SEMA7A: variants seen among roughly 807,000 people sequenced by gnomAD.
SEMA7A encodes semaphorin 7A (JohnMiltonHagen blood group).
Under a neutral mutation model 67.5 loss-of-function variants are expected in SEMA7A, and 21 were observed. The observed-to-expected ratio is 0.31, with a 90% confidence interval of 0.22 to 0.45. The LOEUF is 0.45. SEMA7A is among the 20% of genes least tolerant of loss of function. The pLI, the probability that SEMA7A is intolerant of heterozygous loss-of-function variation, is 1.00. For missense variants in SEMA7A, 774 were observed against 908.6 expected, an observed-to-expected ratio of 0.85 and a Z score of 1.90; for synonymous variants, 364 against 368.5, an observed-to-expected ratio of 0.99 and a Z score of 0.14.
chr15:74,429,303 C>T (rs1051473877), intron 1 of SEMA7A, among the ~76,000 whole-genome samples: 1 of 151,414 alleles, frequency 6.6e-6, no homozygotes, highest in African/African-American at 2.4e-5. Flanking sequence ...CCAGACCTGC[C>T]CCCTGGGCTG....
At position 74,416,505 on chromosome 15, in the gene SEMA7A, C is replaced by T. The variant is rs2060949608; in HGVS notation, c.801+70G>A. 7.8e-6 allele frequency: 12 copies of T among 1,534,540 alleles called. No homozygotes were observed. The Admixed American group carries it at 1.8e-4, about 22-fold the overall frequency. ...CAACTTCTACATGCACACGGACACA[C>T]AGAACTCACCCTCACTCAGGCCTAT... On this transcript the variant is annotated intron_variant, in intron 7 of 13. Coordinates refer to ENST00000261918, the MANE Select transcript of SEMA7A (RefSeq NM_003612.5).
At chr15:74,412,088 G>T in intron 10 of SEMA7A, 76 bp from the exon 11 acceptor site, 2 of 1,564,298 alleles carry the variant, frequency 1.3e-6, no homozygotes, top group South Asian at 1.1e-5. Flanking sequence ...AGGCCGGGGA[G>T]GGGTGGGAAG....
At position 74,411,256 on chromosome 15, in the gene SEMA7A, T is replaced by C. The variant is rs1477264579; in HGVS notation, c.1639+39A>G. 1.9e-6 allele frequency: 3 copies of C among 1,601,772 alleles called. No individual in the cohort carries two copies. The highest frequency in any genetic ancestry group is 2.6e-6 in the Non-Finnish European group (3 of 1,171,360). ...CAATCAGGGCAGGGCAGTACCCCAC[T>C]CATTGGGCCACAGCCGCCAGCAGGG... is the stretch of plus-strand genomic sequence containing the variant. On this transcript the variant is annotated intron_variant, in intron 13 of 13. Transcript: ENST00000261918. This position sits in a 1 kb window ranked among gnomAD's most constrained non-coding sequence, Gnocchi z 4.4.
chr15:74,416,540 G>A, intron 7 of SEMA7A, 35 bp downstream of exon 7: 2 of 1,607,530 alleles, frequency 1.2e-6, no homozygotes, highest in Non-Finnish European at 1.7e-6. Context: ...TTCATGCACA[G>A]ACACGTAGCC....
chr15:74,410,292 C>T lies in SEMA7A; in HGVS notation c.*332G>A, dbSNP rs937086281. 19 of 287,618 alleles carry T rather than the reference C, an allele frequency of 6.6e-5. No individual in the cohort carries two copies. Among genetic ancestry groups the T allele is most frequent in the South Asian group, 1.0e-4 (1 of 9,708 alleles). The allele number at this position is 287,618 out of a possible 1,614,324, so 17.8% of individuals were successfully genotyped here. On this transcript the variant is annotated 3_prime_UTR_variant, in exon 14 of 14. Transcript: ENST00000261918. The surrounding 1 kb of genome is among the most constrained non-coding windows in gnomAD (Gnocchi z 7.5). Reference sequence around the variant, plus strand: ...AGCTCTCCTATCCAAACCCACTCCCCGACCCATGGGCTCTTGGGCTGGGAG... The same window carrying T: ...AGCTCTCCTATCCAAACCCACTCCCTGACCCATGGGCTCTTGGGCTGGGAG...
chr15:74,422,412 A>T (rs945323138), intron 1 of SEMA7A, among the ~76,000 whole-genome samples: 1 of 152,078 alleles, frequency 6.6e-6, no homozygotes, highest in African/African-American at 2.4e-5. Context: ...GGGGCTAGGG[A>T]CATATGGGGA....
chr15:74,430,557 G>A (rs1437538612), intron 1 of SEMA7A, among the ~76,000 whole-genome samples: 1 of 152,234 alleles, frequency 6.6e-6, no homozygotes, highest in African/African-American at 2.4e-5. Flanking sequence ...ACCTGTGCCA[G>A]CGTCCATTCC....
Position 74,415,968 on chromosome 15 carries a change from T to C in SEMA7A, c.819A>G (p.Glu273=), listed in dbSNP as rs1275429354. The change falls in exon 8 of 14, where the codon GAA becomes GAG. Residue 273 remains glutamate (E), a synonymous_variant. Transcript: ENST00000261918. The part of the protein sequence containing the change: ...AQLCRGDQGG[E]SSLSVSKWNT... ...TCCACTTGGAGACTGACAGTGAACT[T>C]TCCCCACCCTGGTCCCCCTGGAAGG... 9 of 1,614,004 alleles carry C rather than the reference T, an allele frequency of 5.6e-6. No individual in the cohort carries two copies. The highest frequency in any genetic ancestry group is 7.6e-6 in the Non-Finnish European group (9 of 1,179,934).
rs1223045441 is a variant in SEMA7A at position 74,410,657 on chromosome 15, C to A, written c.1968G>T (p.Leu656=). 1.9e-6 allele frequency: 3 copies of A among 1,603,384 alleles called. No individual in the cohort carries two copies. The highest frequency in any genetic ancestry group is 2.2e-5 in the East Asian group (1 of 44,736). The change falls in exon 14 of 14, where the codon CTG becomes CTT. Residue 656 remains leucine, a synonymous_variant. Transcript: ENST00000261918. This position sits in a 1 kb window ranked among gnomAD's most constrained non-coding sequence, Gnocchi z 7.5. ...ALAASLWLGV[L]PTLTLGLLVH Reference sequence around the variant, plus strand: ...CCAGCAAGCCAAGAGTGAGTGTGGGCAGCACCCCCAGCCAGAGGGAGGCGG... The same window carrying A: ...CCAGCAAGCCAAGAGTGAGTGTGGGAAGCACCCCCAGCCAGAGGGAGGCGG...
intron 1 of SEMA7A, among the ~76,000 whole-genome samples, chr15:74,424,778 C>T (rs908310892): frequency 2.0e-5 from 3 of 152,210 alleles, no homozygotes; most frequent in East Asian, 1.9e-4. Flanking sequence ...AGCCCACGCC[C>T]AGGGAAGGCC....
At chr15:74,415,485 A>G (rs1047379414) in intron 8 of SEMA7A, among the ~76,000 whole-genome samples, 9 of 152,116 alleles carry the variant, frequency 5.9e-5, no homozygotes, top group African/African-American at 2.2e-4. Flanking sequence ...TCCCCGAGAG[A>G]TGCTTCAGCA....
In SEMA7A at chr15:74,422,738, C is replaced by T. The variant is rs1212401949; in HGVS notation, c.179-3786G>A. Among the ~76,000 whole-genome samples, 6 of 152,234 alleles carry T rather than the reference C, an allele frequency of 3.9e-5. No homozygotes were observed. In the East Asian group the frequency reaches 9.6e-4, roughly 24 times the overall value. ...GGGCCTGACTCCTTAGGGACCCTAC[C>T]CTCGATCACCACCCCAGCAGCTGAC... On this transcript the variant is annotated intron_variant, in intron 1 of 13. Coordinates refer to ENST00000261918, the MANE Select transcript of SEMA7A (RefSeq NM_003612.5).
intron 1 of SEMA7A, 28 bp from the exon 2 acceptor site, chr15:74,418,980 T>C (rs769633448): frequency 1.4e-5 from 23 of 1,607,232 alleles, no homozygotes; most frequent in South Asian, 9.9e-5. Flanking sequence ...AGTAGAAACA[T>C]TGAAGCCAGG....
intron 1 of SEMA7A, among the ~76,000 whole-genome samples, chr15:74,432,401 G>A (rs1235866271): frequency 1.3e-5 from 2 of 152,038 alleles, no homozygotes; most frequent in Admixed American, 6.5e-5. Flanking sequence ...CTGGGTAGCC[G>A]AGCTGGTCCC....
In SEMA7A at chr15:74,412,272, C is replaced by T. The variant is rs142802063; in HGVS notation, c.1295-260G>A. On this transcript the variant is annotated intron_variant, in intron 10 of 13. Transcript: ENST00000261918. ...GGCCTCCAACATTCCCAAGGCTGCA[C>T]GGGAAGAACAGAAGCAGGAGCCCCA... Among the ~76,000 whole-genome samples, 824 of 152,290 alleles carry T rather than the reference C, an allele frequency of 5.4e-3. 8 individuals carry two copies. The highest frequency in any genetic ancestry group is 0.019 in the African/African-American group (788 of 41,560).
Position 74,423,158 on chromosome 15 carries a change from C to T in SEMA7A, c.179-4206G>A, listed in dbSNP as rs28362892. ...CCGGGCCAAAGAGCAGAAAGCAGGC[C>T]GACCTCAGGTTGGAGAGCCAGCACA... On this transcript the variant is annotated intron_variant, in intron 1 of 13. Coordinates refer to ENST00000261918, the MANE Select transcript of SEMA7A (RefSeq NM_003612.5). The surrounding 1 kb of genome is among the most constrained non-coding windows in gnomAD (Gnocchi z 4.1). 3.8e-3 allele frequency among the ~76,000 whole-genome samples: 584 copies of T among 152,336 alleles called. 2 individuals are homozygous for T. Among genetic ancestry groups the T allele is most frequent in the Non-Finnish European group, 6.2e-3 (420 of 68,024 alleles).
chr15:74,416,742 A>C (rs564106515), intron 6 of SEMA7A, 28 bp from the exon 7 acceptor site: 2 of 1,608,424 alleles, frequency 1.2e-6, no homozygotes, highest in Non-Finnish European at 1.7e-6. Context: ...GAGTGGGCGT[A>C]AGGCTGGGAA....
At chr15:74,432,250 C>T (rs2141295023) in intron 1 of SEMA7A, among the ~76,000 whole-genome samples, 1 of 152,262 alleles carries the variant, frequency 6.6e-6, no homozygotes, top group Admixed American at 6.5e-5. Flanking sequence ...GCCAAGGAGA[C>T]TGAGGGAAGG....
At chr15:74,417,301 T>C (rs1418999355) in intron 6 of SEMA7A, 34 bp downstream of exon 6, 2 of 1,556,740 alleles carry the variant, frequency 1.3e-6, no homozygotes, top group East Asian at 4.5e-5. Flanking sequence ...CACACCCCCT[T>C]GCCCACCCTC....
Sources: gnomAD v4.1 joint callset for allele counts (sites outside exome capture counted in the v4.1 genomes callset) on GRCh38, gnomAD v4.1.1 for gene constraint, Gnocchi (gnomAD v3.1) non-coding constraint, MANE v1.5 for transcripts, NCBI Gene and HGNC (gene_info 2026-07-23, HGNC 2026-07-21) for gene names.